Variants in FRMD3 observed in about 807,000 individuals in gnomAD.
FRMD3 encodes FERM domain-containing protein 3.
FRMD3 carries 33 observed loss-of-function variants against 70.2 expected under a neutral mutation model. The ratio of observed to expected loss-of-function variants is 0.47; its 90% CI spans 0.36 to 0.63. FRMD3 has a LOEUF of 0.63. Among genes scored for constraint, FRMD3 ranks in the 20% least tolerant of loss-of-function variants. FRMD3 has a pLI of 0.00. For synonymous variants in FRMD3, 279 were observed against 255.9 expected (o/e 1.09, Z -0.86); for missense variants, 632 against 711.4 (o/e 0.89, Z 1.27).
Position 83,537,979 on chromosome 9 carries a change from C to G in FRMD3, c.147+106G>C. On this transcript the variant is annotated intron_variant, in intron 1 of 13. Coordinates refer to ENST00000304195, the MANE Select transcript of FRMD3 (RefSeq NM_174938.6). The surrounding 1 kb of genome is among the most constrained non-coding windows in gnomAD (Gnocchi z 4.1). ...CGAAATCTGGCTTTCTAGCAGTCCC[C>G]CAATCCCCTCCGGGAGTGGGTTCCT... 1 of 1,318,502 alleles carries G rather than the reference C, an allele frequency of 7.6e-7. No individual in the cohort carries two copies. The highest frequency in any genetic ancestry group is 1.1e-6 in the Non-Finnish European group (1 of 951,546). 81.7% of individuals were successfully genotyped at this position (1,318,502 alleles called of 1,614,324 possible). A position where few individuals can be genotyped will look rare whatever the true frequency, so the allele number is the denominator to read the frequency against.
At chr9:83,387,171 T>C (rs1186733820) in intron 2 of FRMD3, among the ~76,000 whole-genome samples, 1 of 152,218 alleles carries the variant, frequency 6.6e-6, no homozygotes, top group Non-Finnish European at 1.5e-5. Flanking sequence ...TTGCCTGCAA[T>C]AATTATTATT....
At chr9:83,477,187 G>A (rs892907957) in intron 1 of FRMD3, among the ~76,000 whole-genome samples, 3 of 152,148 alleles carry the variant, frequency 2.0e-5, no homozygotes, top group Non-Finnish European at 4.4e-5. Context: ...TAGATGTTTC[G>A]TCTGCACATA....
At chr9:83,438,359 G>A (rs972050524) in intron 1 of FRMD3, among the ~76,000 whole-genome samples, 1 of 152,144 alleles carries the variant, frequency 6.6e-6, no homozygotes, top group Admixed American at 6.5e-5. Context: ...TATTTAGGGA[G>A]AGTCACAAAC....
chr9:83,244,953 G>A lies in FRMD3; in HGVS notation c.*2965C>T. Reference sequence around the variant, plus strand: ...TAGCACTAAAGGCAATATTGTGTGTGTATATGTATTTGCCATATGTGTGTG... The same window carrying A: ...TAGCACTAAAGGCAATATTGTGTGTATATATGTATTTGCCATATGTGTGTG... On this transcript the variant is annotated 3_prime_UTR_variant, in exon 14 of 14. Coordinates refer to ENST00000304195, the MANE Select transcript of FRMD3 (RefSeq NM_174938.6). 2.0e-6 allele frequency: 2 copies of A among 983,210 alleles called. No homozygotes were observed. The highest frequency in any genetic ancestry group is 1.2e-6 in the Non-Finnish European group (1 of 827,948). The allele number at this position is 983,210 out of a possible 1,614,324, so 60.9% of individuals were successfully genotyped here. A position where few individuals can be genotyped will look rare whatever the true frequency, so the allele number is the denominator to read the frequency against.
intron 13 of FRMD3, among the ~76,000 whole-genome samples, chr9:83,251,747 C>T (rs1024247086): frequency 1.3e-5 from 2 of 152,214 alleles, no homozygotes; most frequent in Middle Eastern, 3.4e-3. Flanking sequence ...GCAGAATAGA[C>T]CAAGTTGAGC....
chr9:83,265,093 C>T (rs1833179870), intron 13 of FRMD3, among the ~76,000 whole-genome samples: 1 of 152,096 alleles, frequency 6.6e-6, no homozygotes, highest in African/African-American at 2.4e-5. Context: ...CAGAAGTTCT[C>T]TGTGCATATA....
chr9:83,412,810 C>G (rs1275774185), intron 1 of FRMD3, among the ~76,000 whole-genome samples: 2 of 152,010 alleles, frequency 1.3e-5, no homozygotes, highest in Non-Finnish European at 2.9e-5. Flanking sequence ...GTCTGGCCAA[C>G]ATGGTGAAAC....
intron 5 of FRMD3, among the ~76,000 whole-genome samples, chr9:83,338,709 G>T (rs1211836565): frequency 6.6e-6 from 1 of 152,118 alleles, no homozygotes; most frequent in East Asian, 1.9e-4. Context: ...TATAAGGATG[G>T]ATACAAAGAC....
chr9:83,402,618 G>A (rs1479159693), intron 1 of FRMD3, among the ~76,000 whole-genome samples: 2 of 152,106 alleles, frequency 1.3e-5, no homozygotes, highest in Non-Finnish European at 2.9e-5. Flanking sequence ...GCAGAGAAAT[G>A]AAGATAAGAG....
At chr9:83,297,904 A>C in intron 12 of FRMD3, 2 of 463,402 alleles carry the variant, frequency 4.3e-6, no homozygotes, top group Non-Finnish European at 8.9e-6. Context: ...TGGCTTAGCC[A>C]CACTTCTGTG....
At chr9:83,373,146 G>A (rs908318812) in intron 2 of FRMD3, among the ~76,000 whole-genome samples, 191 bp from the exon 3 acceptor site, 1 of 152,136 alleles carries the variant, frequency 6.6e-6, no homozygotes, top group African/African-American at 2.4e-5. Flanking sequence ...ATAAATTACA[G>A]AGTTAACATT....
intron 10 of FRMD3, among the ~76,000 whole-genome samples, chr9:83,304,894 C>T (rs1255822762): frequency 1.3e-5 from 2 of 152,096 alleles, no homozygotes; most frequent in African/African-American, 2.4e-5. Flanking sequence ...CTGGAGTAGG[C>T]GGGAAAAATC....
intron 1 of FRMD3, among the ~76,000 whole-genome samples, chr9:83,425,419 A>C (rs767949310): frequency 2.0e-5 from 3 of 152,152 alleles, no homozygotes; most frequent in Non-Finnish European, 4.4e-5. Context: ...GGGCCATCAG[A>C]GCATTCATCA....
chr9:83,528,559 CCTCA>C (rs1470919033), intron 1 of FRMD3, among the ~76,000 whole-genome samples: 1 of 151,576 alleles, frequency 6.6e-6, no homozygotes, highest in Non-Finnish European at 1.5e-5. Flanking sequence ...TGAGACAGGG[CCTCA>C]CTGTCACCCA....
the FRMD3 span, among the ~76,000 whole-genome samples, chr9:83,545,356 G>GTTTTTTT: frequency 1.7e-5 from 2 of 117,614 alleles, no homozygotes; most frequent in East Asian, 2.6e-4. Flanking sequence ...GTTTTTTTTT[G>GTTTTTTT]TTTTTTTTTT....
At chr9:83,284,025 A>C (rs1834084956) in intron 13 of FRMD3, among the ~76,000 whole-genome samples, 1 of 150,652 alleles carries the variant, frequency 6.6e-6, no homozygotes, top group African/African-American at 2.5e-5. Context: ...ATGCATTAAC[A>C]CTGATTTCCT....
intron 1 of FRMD3, among the ~76,000 whole-genome samples, chr9:83,439,269 G>T (rs1366387439): frequency 6.6e-6 from 1 of 152,256 alleles, no homozygotes; most frequent in Non-Finnish European, 1.5e-5. Context: ...TAGGACATTG[G>T]TTTCTAATTC....
upstream of FRMD3, chr9:83,538,467 C>T: frequency 2.8e-6 from 1 of 351,646 alleles, no homozygotes; most frequent in Non-Finnish European, 5.1e-6. The surrounding 1 kb of genome is among the most constrained non-coding windows in gnomAD (Gnocchi z 4.7). Context: ...CTCCTTCTGT[C>T]GCGCGCGCTC....
intron 1 of FRMD3, among the ~76,000 whole-genome samples, chr9:83,433,259 A>C (rs1827034229): frequency 6.6e-6 from 1 of 152,240 alleles, no homozygotes; most frequent in African/African-American, 2.4e-5. Flanking sequence ...TTAGTTCATG[A>C]TATTAATAAA....
Sources: gnomAD v4.1 joint callset for allele counts (sites outside exome capture counted in the v4.1 genomes callset) on GRCh38, gnomAD v4.1.1 for gene constraint, Gnocchi (gnomAD v3.1) non-coding constraint, MANE v1.5 for transcripts, NCBI Gene and HGNC (gene_info 2026-07-23, HGNC 2026-07-21) for gene names.